ZNF148: variants seen among roughly 807,000 people sequenced by gnomAD.
The protein encoded by ZNF148 is zinc finger protein 148.
In ZNF148, 7 loss-of-function variants were observed where a neutral mutation model predicts 67.7. The ratio of observed to expected loss-of-function variants is 0.10; its 90% confidence interval spans 0.06 to 0.19. ZNF148 has a LOEUF of 0.19. Ranked by LOEUF, ZNF148 falls within the 10% of genes least tolerant of loss-of-function variation. The pLI is 1.00. For synonymous variants in ZNF148, 333 were observed against 330.7 expected, an observed-to-expected ratio of 1.01 and a Z score of -0.08; for missense variants, 583 against 947.1, an observed-to-expected ratio of 0.62 and a Z score of 5.05.
chr3:125,339,497 T>C (rs574787757), intron 1 of ZNF148, among the ~76,000 whole-genome samples: 2 of 152,352 alleles, frequency 1.3e-5, no homozygotes, highest in African/African-American at 2.4e-5. Flanking sequence ...TGTTTATGTG[T>C]AGACGCACAG....
At chr3:125,324,112 C>G (rs527596629) in intron 2 of ZNF148, among the ~76,000 whole-genome samples, 1 of 152,172 alleles carries the variant, frequency 6.6e-6, no homozygotes, top group South Asian at 2.1e-4. Context: ...AGTGCACCAG[C>G]ATGGCACATG....
At chr3:125,271,133 A>AT (rs1012709741) in intron 7 of ZNF148, among the ~76,000 whole-genome samples, 7 of 152,180 alleles carry the variant, frequency 4.6e-5, no homozygotes, top group Non-Finnish European at 7.3e-5. Flanking sequence ...ACAAAACAGT[A>AT]TTTTTTTAAC....
intron 1 of ZNF148, among the ~76,000 whole-genome samples, chr3:125,345,800 T>C (rs1941919341): frequency 6.6e-6 from 1 of 151,890 alleles, no homozygotes; most frequent in Non-Finnish European, 1.5e-5. Flanking sequence ...AGCCATTAAA[T>C]AAAACTGACT....
At chr3:125,350,669 T>C (rs1209578939) in intron 1 of ZNF148, among the ~76,000 whole-genome samples, 1 of 152,182 alleles carries the variant, frequency 6.6e-6, no homozygotes, top group Non-Finnish European at 1.5e-5. Context: ...CCGTTAAAAA[T>C]AGGCTTCACG....
At chr3:125,371,609 A>G (rs1942887883) in intron 1 of ZNF148, among the ~76,000 whole-genome samples, 1 of 147,172 alleles carries the variant, frequency 6.8e-6, no homozygotes, top group Non-Finnish European at 1.5e-5. Context: ...CAGTGAGCCG[A>G]GATCGTGCCA....
rs1165251003 is a variant in ZNF148 at position 125,226,057 on chromosome 3, T to C, written c.*6284A>G. On this transcript the variant is annotated 3_prime_UTR_variant, in exon 9 of 9. Coordinates refer to ENST00000360647, the MANE Select transcript of ZNF148 (RefSeq NM_021964.3). The stretch of plus-strand genomic sequence containing the variant: ...GAAAAAAGAAAAGAAATCCCACGTA[T>C]GCTGACAGTGGGTTAACAGAGTCTT... 1.3e-5 allele frequency: 2 copies of C among 152,692 alleles called. No homozygotes were observed. Among genetic ancestry groups the C allele is most frequent in the East Asian group, 3.9e-4 (2 of 5,188 alleles). 9.5% of individuals were successfully genotyped at this position (152,692 alleles called of 1,614,324 possible).
At chr3:125,291,368 C>T (rs1939002687) in intron 4 of ZNF148, among the ~76,000 whole-genome samples, 1 of 152,108 alleles carries the variant, frequency 6.6e-6, no homozygotes, top group African/African-American at 2.4e-5. Flanking sequence ...GCTCAGCTTT[C>T]AAAATTCTAT....
rs191282689 is a variant in ZNF148 at position 125,286,584 on chromosome 3, C to A, written c.459+1519G>T. On this transcript the variant is annotated intron_variant, in intron 5 of 8. Coordinates refer to ENST00000360647, the MANE Select transcript of ZNF148 (RefSeq NM_021964.3). ...ATTTTAAGTGCAGCATGATTTAAAA[C>A]AGAAACAAAAGGACTACAACTTTCA... Among the ~76,000 whole-genome samples, 2 of 152,068 alleles carry A rather than the reference C, an allele frequency of 1.3e-5. 1 individual carries two copies. The highest frequency in any genetic ancestry group is 4.8e-5 in the African/African-American group (2 of 41,416).
chr3:125,299,697 AC>A (rs552151797), intron 4 of ZNF148, among the ~76,000 whole-genome samples: 2 of 152,316 alleles, frequency 1.3e-5, no homozygotes, highest in South Asian at 2.1e-4. Flanking sequence ...TGATTCATCT[AC>A]TTGCCTGTTG....
chr3:125,238,091 C>A (rs1350738395), intron 7 of ZNF148, among the ~76,000 whole-genome samples: 1 of 152,006 alleles, frequency 6.6e-6, no homozygotes, highest in Non-Finnish European at 1.5e-5. Context: ...TTAGACCCCC[C>A]CCAACCAACT....
chr3:125,274,095 T>C (rs1283882911), intron 7 of ZNF148, among the ~76,000 whole-genome samples: 1 of 152,148 alleles, frequency 6.6e-6, no homozygotes, highest in Non-Finnish European at 1.5e-5. Context: ...ATTTATTCTA[T>C]ATATGCATTT....
chr3:125,369,295 AGCCT>A (rs1942800360), intron 1 of ZNF148, among the ~76,000 whole-genome samples: 1 of 139,266 alleles, frequency 7.2e-6, no homozygotes, highest in African/African-American at 2.7e-5. Flanking sequence ...AAGCCATAGA[AGCCT>A]AGAAAGAACA....
intron 1 of ZNF148, among the ~76,000 whole-genome samples, chr3:125,339,955 G>A (rs1480030220): frequency 6.6e-6 from 1 of 152,078 alleles, no homozygotes; most frequent in Non-Finnish European, 1.5e-5. Context: ...ATGATGCAGG[G>A]ACTTCAACTT....
chr3:125,353,797 G>A lies in ZNF148; in HGVS notation c.-234+21305C>T, dbSNP rs116770847. On this transcript the variant is annotated intron_variant, in intron 1 of 8. Coordinates refer to ENST00000360647, the MANE Select transcript of ZNF148 (RefSeq NM_021964.3). Reference sequence around the variant, plus strand: ...AAAAAAAAATTAACATGTGAGGCCAGGTTCAGTGGTTCATGCTTGTAATCC... The same window carrying A: ...AAAAAAAAATTAACATGTGAGGCCAAGTTCAGTGGTTCATGCTTGTAATCC... Among the ~76,000 whole-genome samples the A allele has an allele frequency of 4.9e-3, 746 of 152,172 alleles. 4 individuals carry two copies. Among genetic ancestry groups the A allele is most frequent in the African/African-American group, 0.017 (701 of 41,514 alleles).
chr3:125,278,566 C>G (rs1034292731), intron 6 of ZNF148, among the ~76,000 whole-genome samples: 1 of 152,088 alleles, frequency 6.6e-6, no homozygotes, highest in Non-Finnish European at 1.5e-5. Flanking sequence ...TCCTAGGGCA[C>G]TGGCACTGTT....
intron 1 of ZNF148, among the ~76,000 whole-genome samples, chr3:125,334,355 G>C (rs150315083): frequency 6.6e-6 from 1 of 152,252 alleles, no homozygotes; most frequent in Non-Finnish European, 1.5e-5. Flanking sequence ...TCATAATTTA[G>C]CAAGGATGAT....
chr3:125,301,665 T>TTTA (rs1462258038), intron 4 of ZNF148, among the ~76,000 whole-genome samples: 8 of 152,240 alleles, frequency 5.3e-5, no homozygotes, highest in African/African-American at 1.9e-4. Context: ...AAAGGCTTTA[T>TTTA]TTAGCACAAT....
chr3:125,341,443 A>T lies in ZNF148; in HGVS notation c.-233-10205T>A, dbSNP rs138637766. 2.7e-4 allele frequency among the ~76,000 whole-genome samples: 41 copies of T among 152,028 alleles called. 1 individual carries two copies. In the Middle Eastern group the frequency reaches 0.01, roughly 38 times the overall value. ...AGACCAGCGTGGGCAACACAGTGAG[A>T]CCCCATCTGTACAAAAAAAATTTAC... On this transcript the variant is annotated intron_variant, in intron 1 of 8. Transcript: ENST00000360647.
At chr3:125,303,497 G>A (rs148904147) in intron 4 of ZNF148, among the ~76,000 whole-genome samples, 4 of 152,246 alleles carry the variant, frequency 2.6e-5, no homozygotes, top group Non-Finnish European at 5.9e-5. Context: ...TTAGGTCACC[G>A]ACAGCATTAA....
Sources: gnomAD v4.1 joint callset for allele counts (sites outside exome capture counted in the v4.1 genomes callset) on GRCh38, gnomAD v4.1.1 for gene constraint, MANE v1.5 for transcripts, NCBI Gene and HGNC (gene_info 2026-07-23, HGNC 2026-07-21) for gene names.